The following FBXL7 variants were observed in gnomAD, a reference collection of about 807,000 sequenced individuals.
FBXL7 encodes the protein F-box and leucine rich repeat protein 7, also known as F-box/LRR-repeat protein 7.
A neutral mutation model predicts 38.3 loss-of-function variants in FBXL7; 12 were observed. The ratio of observed to expected loss-of-function variants is 0.31; its 90% confidence interval spans 0.20 to 0.51. The LOEUF (loss-of-function observed/expected upper bound fraction) is 0.51, where lower values mean the gene tolerates loss of function less well. Ranked by LOEUF, FBXL7 falls within the 20% of genes least tolerant of loss-of-function variation. FBXL7 has a pLI of 0.98. For missense variants in FBXL7, 567 were observed against 676.4 expected, an observed-to-expected ratio of 0.84 and a Z score of 1.79; for synonymous variants, 297 against 300.9, an observed-to-expected ratio of 0.99 and a Z score of 0.13.
At chr5:15,785,518 G>A (rs781480383) in intron 2 of FBXL7, among the ~76,000 whole-genome samples, 22 of 152,368 alleles carry the variant, frequency 1.4e-4, no homozygotes, top group Non-Finnish European at 2.5e-4. Context: ...AATAGTAGGA[G>A]AATAGTGCCT....
At chr5:15,859,232 T>C (rs1739368539) in intron 2 of FBXL7, among the ~76,000 whole-genome samples, 1 of 152,254 alleles carries the variant, frequency 6.6e-6, no homozygotes, top group South Asian at 2.1e-4. Flanking sequence ...CAGTAGAAGC[T>C]TTTTATCCAT....
At chr5:15,584,506 C>A (rs540434125) in intron 1 of FBXL7, among the ~76,000 whole-genome samples, 1 of 152,312 alleles carries the variant, frequency 6.6e-6, no homozygotes, top group Admixed American at 6.5e-5. Flanking sequence ...GCTCTAGTTT[C>A]CAGTAAACTC....
intron 2 of FBXL7, among the ~76,000 whole-genome samples, chr5:15,692,805 C>T (rs952436675): frequency 2.8e-4 from 43 of 152,242 alleles, no homozygotes; most frequent in African/African-American, 1.0e-3. Flanking sequence ...CTCAGCCATC[C>T]AAGCAAGTGA....
At chr5:15,872,172 C>A (rs1276630485) in intron 2 of FBXL7, among the ~76,000 whole-genome samples, 1 of 152,132 alleles carries the variant, frequency 6.6e-6, no homozygotes, top group African/African-American at 2.4e-5. Flanking sequence ...AATTTCATAT[C>A]CAGCCAAACA....
At chr5:15,641,238 A>C (rs188626127) in intron 2 of FBXL7, among the ~76,000 whole-genome samples, 1 of 152,172 alleles carries the variant, frequency 6.6e-6, no homozygotes, top group South Asian at 2.1e-4. Context: ...AAACCTTTCC[A>C]TGAGACTGAG....
chr5:15,653,620 T>G lies in FBXL7; in HGVS notation c.127+37548T>G, dbSNP rs547971955. 7.2e-5 allele frequency among the ~76,000 whole-genome samples: 11 copies of G among 152,310 alleles called. No individual in the cohort carries two copies. The East Asian group carries it at 1.5e-3, about 21-fold the overall frequency. On this transcript the variant is annotated intron_variant, in intron 2 of 3. Transcript: ENST00000504595. ...CAGTTATTTCATCCATCTGCTGCAATGTGCTCCAAAACCACTTAAGCTTTT... is the reference window on the plus strand; with the variant it reads ...CAGTTATTTCATCCATCTGCTGCAAGGTGCTCCAAAACCACTTAAGCTTTT...
intron 2 of FBXL7, among the ~76,000 whole-genome samples, chr5:15,813,086 T>C (rs1737912695): frequency 1.3e-5 from 2 of 152,206 alleles, no homozygotes; most frequent in African/African-American, 2.4e-5. Flanking sequence ...ACAGAGATAA[T>C]TTGACTTCAT....
intron 1 of FBXL7, among the ~76,000 whole-genome samples, chr5:15,562,242 T>G (rs1738434673): frequency 6.6e-6 from 1 of 151,862 alleles, no homozygotes; most frequent in African/African-American, 2.4e-5. Flanking sequence ...GCACAGGCAA[T>G]AAAAGGAAGA....
intron 2 of FBXL7, among the ~76,000 whole-genome samples, chr5:15,806,807 C>T (rs1261523710): frequency 6.6e-6 from 1 of 152,126 alleles, no homozygotes; most frequent in Non-Finnish European, 1.5e-5. Flanking sequence ...CAGAAGCAGC[C>T]CAGAGTAAGG....
At chr5:15,606,177 A>G (rs912004571) in intron 1 of FBXL7, among the ~76,000 whole-genome samples, 1 of 151,984 alleles carries the variant, frequency 6.6e-6, no homozygotes, top group Non-Finnish European at 1.5e-5. Flanking sequence ...TTTCTATTTT[A>G]TAGGTTTTTT....
intron 1 of FBXL7, among the ~76,000 whole-genome samples, chr5:15,585,066 T>G (rs921467094): frequency 1.3e-5 from 2 of 152,234 alleles, no homozygotes; most frequent in African/African-American, 4.8e-5. Context: ...TTATAATTAA[T>G]TATTAAGAAT....
chr5:15,923,756 C>G (rs1741808285), intron 2 of FBXL7, among the ~76,000 whole-genome samples: 1 of 152,118 alleles, frequency 6.6e-6, no homozygotes, highest in African/African-American at 2.4e-5. Flanking sequence ...ATCAGAGACT[C>G]TTGGTGTGTC....
At chr5:15,653,191 A>G (rs1205008526) in intron 2 of FBXL7, among the ~76,000 whole-genome samples, 1 of 152,226 alleles carries the variant, frequency 6.6e-6, no homozygotes, top group African/African-American at 2.4e-5. Flanking sequence ...AAACTTTGAA[A>G]TATTGTGAGA....
chr5:15,876,729 C>T (rs1264273954), intron 2 of FBXL7, among the ~76,000 whole-genome samples: 2 of 152,054 alleles, frequency 1.3e-5, no homozygotes, highest in Non-Finnish European at 2.9e-5. Context: ...ATCTAAGTTC[C>T]ACTTATGGGA....
At chr5:15,506,963 A>G (rs550473549) in intron 1 of FBXL7, among the ~76,000 whole-genome samples, 3 of 149,948 alleles carry the variant, frequency 2.0e-5, no homozygotes, top group African/African-American at 7.4e-5. Context: ...TATTAATCCA[A>G]TGCAACAGGG....
intron 2 of FBXL7, among the ~76,000 whole-genome samples, chr5:15,875,730 A>C (rs903775351): frequency 5.3e-5 from 8 of 152,308 alleles, no homozygotes; most frequent in African/African-American, 1.9e-4. Context: ...TAAAATGGTG[A>C]TCATTAAAAA....
At chr5:15,798,317 A>G (rs1320378564) in intron 2 of FBXL7, among the ~76,000 whole-genome samples, 5 of 152,178 alleles carry the variant, frequency 3.3e-5, no homozygotes, top group African/African-American at 1.2e-4. Context: ...GATGTTGGAA[A>G]AGCAAATAAA....
intron 2 of FBXL7, among the ~76,000 whole-genome samples, chr5:15,874,359 G>A (rs999466286): frequency 3.8e-4 from 58 of 152,142 alleles, no homozygotes; most frequent in Non-Finnish European, 5.6e-4. Context: ...ACCAGCACAG[G>A]ACAAGGATGC....
chr5:15,748,968 C>T (rs13189719), intron 2 of FBXL7, among the ~76,000 whole-genome samples: 15,476 of 152,122 alleles, frequency 0.1, 959 homozygotes, highest in South Asian at 0.16. Flanking sequence ...CAGTTAGCCT[C>T]GCACGGTGGC....
Sources: gnomAD v4.1 joint callset for allele counts (sites outside exome capture counted in the v4.1 genomes callset) on GRCh38, gnomAD v4.1.1 for gene constraint, MANE v1.5 for transcripts, NCBI Gene and HGNC (gene_info 2026-07-23, HGNC 2026-07-21) for gene names.